Variants in PAH observed in about 807,000 individuals in gnomAD.
PAH encodes the protein phenylalanine hydroxylase, also known as phenylalanine-4-hydroxylase.
Under a neutral mutation model 62.0 loss-of-function variants are expected in PAH, and 64 were observed. That is an observed-to-expected ratio of 1.03 (90% CI 0.84 to 1.27). The LOEUF (loss-of-function observed/expected upper bound fraction) is 1.27. Among genes scored for constraint, PAH ranks in the 50% most tolerant of loss-of-function variants. The pLI is 0.00. For missense variants in PAH, 579 were observed against 542.8 expected, an observed-to-expected ratio of 1.07 and a Z score of -0.66; for synonymous variants, 195 against 196.2, an observed-to-expected ratio of 0.99 and a Z score of 0.05.
intron 4 of PAH, among the ~76,000 whole-genome samples, chr12:102,868,176 G>GTATATATATA (rs201396594): frequency 4.2e-4 from 1 of 2,384 alleles, no homozygotes; most frequent in Non-Finnish European, 8.2e-4. Flanking sequence ...ACATATATGT[G>GTATATATATA]TATATATATA....
chr12:102,846,901 G>A lies in PAH; in HGVS notation c.963C>T (p.Leu321=), dbSNP rs61747292. 4,473 of 1,613,290 alleles carry A rather than the reference G, an allele frequency of 2.8e-3. 123 individuals carry two copies. In the African/African-American group the frequency reaches 0.053, roughly 19 times the overall value. Residue 321 remains leucine (L), a synonymous_variant, in exon 9 of 13, where the codon CTC becomes CTT. Transcript: ENST00000553106. ...LGAPDEYIEK[L]ATIYWFTVEF... ...AGGGAGAGAAGGGACTTACTGTGGC[G>A]AGCTTTTCAATGTATTCATCAGGTG... is the stretch of plus-strand genomic sequence containing the variant.
intron 4 of PAH, among the ~76,000 whole-genome samples, chr12:102,877,016 G>A (rs185690567): frequency 1.3e-3 from 198 of 152,092 alleles, no homozygotes; most frequent in African/African-American, 4.2e-3. Context: ...AGCCCTCTCC[G>A]TTCCTTATCT....
At chr12:102,844,086 C>T (rs1274967904) in intron 10 of PAH, among the ~76,000 whole-genome samples, 1 of 152,042 alleles carries the variant, frequency 6.6e-6, no homozygotes, top group Non-Finnish European at 1.5e-5. Flanking sequence ...AGGCTGCATG[C>T]ATAGGTCAGC....
chr12:102,942,386 A>G (rs939259420), intron 1 of PAH, among the ~76,000 whole-genome samples: 3 of 152,194 alleles, frequency 2.0e-5, no homozygotes, highest in Admixed American at 1.3e-4. Context: ...CTCTACAATG[A>G]GAATTACAAA....
intron 3 of PAH, among the ~76,000 whole-genome samples, chr12:102,890,282 A>AG (rs1877222377): frequency 6.6e-6 from 1 of 152,236 alleles, no homozygotes. Flanking sequence ...CACAATAAAA[A>AG]GGGCATTTTG....
rs546647476 is a variant in PAH, at chr12:102,925,201, T to C, written c.-95-7976A>G. The stretch of plus-strand genomic sequence containing the variant: ...CTGTGCAATACCTAAGTAGTGTCCA[T>C]AGAGGAGGCACACCCTTCTCCTTTT... On this transcript the variant is annotated intron_variant, in intron 1 of 3. Transcript: ENST00000546844. 2.5e-3 allele frequency among the ~76,000 whole-genome samples: 382 copies of C among 152,278 alleles called. 2 individuals carry two copies. The highest frequency in any genetic ancestry group is 7.2e-4 in the Non-Finnish European group (49 of 68,014).
chr12:102,885,719 G>A (rs1438261043), intron 3 of PAH, among the ~76,000 whole-genome samples: 1 of 152,142 alleles, frequency 6.6e-6, no homozygotes, highest in Non-Finnish European at 1.5e-5. Flanking sequence ...CTGGCCAGTG[G>A]GTCAGAGGAG....
At chr12:102,910,471 C>A (rs1439015050) in intron 2 of PAH, among the ~76,000 whole-genome samples, 2 of 151,604 alleles carry the variant, frequency 1.3e-5, no homozygotes, top group African/African-American at 4.9e-5. Context: ...CCAGGGTTCA[C>A]GCCATTCTCC....
chr12:102,842,073 T>C (rs74974092), intron 11 of PAH, among the ~76,000 whole-genome samples: 177 of 152,316 alleles, frequency 1.2e-3, no homozygotes, highest in African/African-American at 3.8e-3. Context: ...TTGTTTCCCT[T>C]GAGGCCTCGG....
chr12:102,903,065 A>G (rs1018873788), intron 2 of PAH, among the ~76,000 whole-genome samples: 3 of 152,196 alleles, frequency 2.0e-5, no homozygotes, highest in African/African-American at 7.2e-5. Flanking sequence ...ATTCTAGGTC[A>G]AAAAGACCCT....
In PAH at chr12:102,886,461, T is replaced by C. The variant is rs374021871; in HGVS notation, c.352+8274A>G. ...TATCCTTTTTAAGATACTATGTATC[T>C]CATAAACATTATCCATTGGCAGGTT... On this transcript the variant is annotated intron_variant, in intron 3 of 12. Coordinates refer to ENST00000553106, the MANE Select transcript of PAH (RefSeq NM_000277.3). Among the ~76,000 whole-genome samples, 7 of 152,300 alleles carry C rather than the reference T, an allele frequency of 4.6e-5. No homozygotes were observed. The East Asian group carries it at 1.3e-3, about 29-fold the overall frequency.
chr12:102,904,135 A>G (rs2136715139), intron 2 of PAH, among the ~76,000 whole-genome samples: 1 of 152,282 alleles, frequency 6.6e-6, no homozygotes, highest in Non-Finnish European at 1.5e-5. Context: ...AATTCACTAG[A>G]ACTTCTACTT....
At chr12:102,920,833 A>T (rs1357029225), upstream of PAH, among the ~76,000 whole-genome samples, 1 of 152,238 alleles carries the variant, frequency 6.6e-6, no homozygotes, top group Admixed American at 6.5e-5. Context: ...GGATCCAGCC[A>T]TGCTGCTGAA....
intron 2 of PAH, among the ~76,000 whole-genome samples, chr12:102,897,492 T>TATATATATATATATATATATATAA (rs1379613102): frequency 2.3e-4 from 32 of 137,442 alleles, no homozygotes; most frequent in African/African-American, 8.0e-4. Context: ...TATATATATA[T>TATATATATATATATATATATATAA]AATTCAAACT....
At chr12:102,890,692 G>A (rs1877239508) in intron 3 of PAH, among the ~76,000 whole-genome samples, 1 of 152,346 alleles carries the variant, frequency 6.6e-6, no homozygotes, top group East Asian at 1.9e-4. Flanking sequence ...GACATTTTGA[G>A]CAAGAAAGCG....
chr12:102,864,324 T>G, intron 5 of PAH, among the ~76,000 whole-genome samples: 1 of 152,164 alleles, frequency 6.6e-6, no homozygotes, highest in East Asian at 1.9e-4. Context: ...GAGATTCTGA[T>G]TCTGCTTTTC....
chr12:102,841,089 C>G (rs937486783), intron 11 of PAH, among the ~76,000 whole-genome samples: 4 of 152,094 alleles, frequency 2.6e-5, no homozygotes, highest in South Asian at 2.1e-4. Flanking sequence ...ATTGCTATAC[C>G]CATTTTATGG....
At chr12:102,883,981 G>A (rs946217887) in intron 3 of PAH, among the ~76,000 whole-genome samples, 15 of 152,212 alleles carry the variant, frequency 9.9e-5, no homozygotes, top group Non-Finnish European at 4.4e-5. Flanking sequence ...TTCTTAGAAT[G>A]GTGTCTGGCA....
At chr12:102,863,150 G>C (rs961673643) in intron 5 of PAH, among the ~76,000 whole-genome samples, 1 of 152,134 alleles carries the variant, frequency 6.6e-6, no homozygotes, top group Non-Finnish European at 1.5e-5. Flanking sequence ...CTAAACATAA[G>C]TACCTGTATG....
Sources: allele counts gnomAD v4.1 joint callset (sites outside exome capture counted in the v4.1 genomes callset), GRCh38; gene constraint gnomAD v4.1.1; transcripts MANE v1.5; gene names NCBI Gene and HGNC (gene_info 2026-07-23, HGNC 2026-07-21).